Variants in PAK3 observed in about 807,000 individuals in gnomAD.
PAK3 encodes the protein serine/threonine-protein kinase PAK 3.
PAK3 carries 4 observed loss-of-function variants against 41.0 expected under a neutral mutation model. The ratio of observed to expected loss-of-function variants is 0.10; its 90% CI spans 0.05 to 0.22. The LOEUF (loss-of-function observed/expected upper bound fraction) is 0.22, where lower values mean the gene tolerates loss of function less well. Among genes scored for constraint, PAK3 ranks in the 10% least tolerant of loss-of-function variants. The pLI is 1.00. For synonymous variants in PAK3, 146 were observed against 139.6 expected (o/e 1.05, Z -0.32); for missense variants, 205 against 409.9 (o/e 0.50, Z 4.32).
At chrX:111,042,131 C>A (rs767864191) in intron 1 of PAK3, among the ~76,000 whole-genome samples, 2 of 111,631 alleles carry the variant, frequency 1.8e-5, no homozygotes, top group East Asian at 5.7e-4. Context: ...AGGGTTTAAC[C>A]CGGTGCCTGG....
At chrX:111,065,395 G>T (rs1224222931) in intron 1 of PAK3, among the ~76,000 whole-genome samples, 1 of 110,635 alleles carries the variant, frequency 9.0e-6, no homozygotes, top group Non-Finnish European at 1.9e-5. Context: ...TTGCATGCCA[G>T]GAATTAAGCC....
chrX:111,155,930 T>C (rs1193952190), intron 8 of PAK3, among the ~76,000 whole-genome samples: 1 of 112,022 alleles, frequency 8.9e-6, no homozygotes, highest in African/African-American at 3.2e-5. Flanking sequence ...TACAGGCCCC[T>C]AAATGGTACT....
At chrX:111,160,614 C>T (rs1046425405) in intron 8 of PAK3, among the ~76,000 whole-genome samples, 4 of 107,770 alleles carry the variant, frequency 3.7e-5, no homozygotes, top group Non-Finnish European at 7.7e-5. Flanking sequence ...TATCCCTCCC[C>T]GCTCCCCCCA....
chrX:111,045,482 C>T (rs2092488415), intron 1 of PAK3, among the ~76,000 whole-genome samples: 1 of 112,064 alleles, frequency 8.9e-6, no homozygotes, highest in Admixed American at 9.5e-5. Flanking sequence ...TTTCACTAAG[C>T]TTGCTATCTC....
intron 3 of PAK3, among the ~76,000 whole-genome samples, chrX:111,100,898 G>C (rs1490478944): frequency 9.0e-6 from 1 of 111,554 alleles, no homozygotes; most frequent in South Asian, 3.8e-4. Context: ...TGAGCCATAG[G>C]TGTACAACAA....
In PAK3 at chrX:111,134,840, C is replaced by T. The variant is rs183046508; in HGVS notation, c.176-7256C>T. On this transcript the variant is annotated intron_variant, in intron 5 of 17. Transcript: ENST00000372007. ...TTGAAGGCAGCAGGCATGACACGCT[C>T]TTAGTTGAGCTTCTATGAATACAAC... Among the ~76,000 whole-genome samples, 124 of 111,159 alleles carry T rather than the reference C, an allele frequency of 1.1e-3. 2 individuals carry two copies. Among genetic ancestry groups the T allele is most frequent in the East Asian group, 8.5e-3 (30 of 3,511 alleles).
chrX:110,976,053 A>C (rs773492654), intron 1 of PAK3, among the ~76,000 whole-genome samples: 12 of 112,400 alleles, frequency 1.1e-4, no homozygotes, highest in African/African-American at 3.6e-4. Context: ...GGCATGGGCA[A>C]GGACTTCATG....
intron 5 of PAK3, 132 bp from the exon 6 acceptor site, chrX:111,141,964 T>C: frequency 1.9e-6 from 1 of 516,696 alleles, no homozygotes; most frequent in South Asian, 2.6e-5. Context: ...ATTTCTGGAG[T>C]TAAGTGTTGT....
At chrX:111,036,008 A>T (rs1392925074) in intron 1 of PAK3, among the ~76,000 whole-genome samples, 2 of 112,442 alleles carry the variant, frequency 1.8e-5, no homozygotes. Flanking sequence ...GCCAAAGCCC[A>T]TTCTTGTTTT....
At chrX:111,069,608 T>G (rs2092727068) in intron 1 of PAK3, among the ~76,000 whole-genome samples, 1 of 110,243 alleles carries the variant, frequency 9.1e-6, no homozygotes, top group Non-Finnish European at 1.9e-5. Context: ...AGGAACACAG[T>G]ATCATTGCCT....
At chrX:111,086,278 T>C (rs765353929) in intron 1 of PAK3, among the ~76,000 whole-genome samples, 3 of 111,479 alleles carry the variant, frequency 2.7e-5, no homozygotes, top group Non-Finnish European at 5.6e-5. Flanking sequence ...TAAAACAGGA[T>C]ACACTCACCA....
chrX:111,060,458 C>T (rs761809850), intron 1 of PAK3, among the ~76,000 whole-genome samples: 3 of 111,614 alleles, frequency 2.7e-5, no homozygotes, highest in African/African-American at 9.8e-5. Context: ...GGTTAGGAAG[C>T]GTTCCCTCCT....
intron 1 of PAK3, among the ~76,000 whole-genome samples, chrX:111,087,723 G>A (rs1340371683): frequency 3.4e-5 from 3 of 87,621 alleles, no homozygotes; most frequent in South Asian, 5.5e-4. Context: ...TTACCAGAAC[G>A]AACCATCTGG....
intron 11 of PAK3, among the ~76,000 whole-genome samples, chrX:111,183,131 C>T (rs1201626422): frequency 9.0e-6 from 1 of 111,619 alleles, no homozygotes. Flanking sequence ...GAAAGTAATG[C>T]ATTTTTAAGC....
intron 1 of PAK3, among the ~76,000 whole-genome samples, chrX:111,034,674 G>A (rs2148756905): frequency 9.0e-6 from 1 of 111,605 alleles, no homozygotes; most frequent in African/African-American, 3.3e-5. Flanking sequence ...TGACAGATGT[G>A]TTAGGACTTG....
chrX:111,148,966 A>C (rs1462739275), intron 7 of PAK3, among the ~76,000 whole-genome samples: 3 of 111,664 alleles, frequency 2.7e-5, no homozygotes, highest in Non-Finnish European at 5.6e-5. Flanking sequence ...TCTTAGACAA[A>C]GCAAGTCCCT....
intron 7 of PAK3, among the ~76,000 whole-genome samples, chrX:111,151,266 A>G (rs2094023152): frequency 1.8e-5 from 2 of 112,640 alleles, no homozygotes; most frequent in African/African-American, 6.5e-5. Flanking sequence ...CCAAGAATAC[A>G]CTTTAGAGTA....
chrX:111,206,208 G>A (rs1188115267), intron 16 of PAK3, among the ~76,000 whole-genome samples: 4 of 111,050 alleles, frequency 3.6e-5, no homozygotes, highest in Non-Finnish European at 7.5e-5. Flanking sequence ...TTGCCCTAAA[G>A]TTTTGTTTTG....
chrX:111,151,530 G>A (rs1328746873), intron 7 of PAK3, among the ~76,000 whole-genome samples: 1 of 111,701 alleles, frequency 9.0e-6, no homozygotes, highest in Non-Finnish European at 1.9e-5. Flanking sequence ...AAGGAGGTAG[G>A]GAGAGAAGAA....
Sources: allele counts gnomAD v4.1 joint callset (sites outside exome capture counted in the v4.1 genomes callset), GRCh38; gene constraint gnomAD v4.1.1; transcripts MANE v1.5; gene names NCBI Gene and HGNC (gene_info 2026-07-23, HGNC 2026-07-21).